HUWE1: variants seen among roughly 807,000 people sequenced by gnomAD.
HUWE1 encodes the protein HECT, UBA and WWE domain containing E3 ubiquitin protein ligase 1.
HUWE1 carries 18 observed loss-of-function variants against 299.4 expected under a neutral mutation model. The ratio of observed to expected loss-of-function variants is 0.06; its 90% CI spans 0.04 to 0.09. The LOEUF (loss-of-function observed/expected upper bound fraction) is 0.09. HUWE1 is among the 10% of genes least tolerant of loss of function. HUWE1 has a pLI of 1.00. For missense variants in HUWE1, 1,832 were observed against 3,462.3 expected (o/e 0.53, Z 11.82); for synonymous variants, 1,317 against 1,286.1 (o/e 1.02, Z -0.51).
intron 27 of HUWE1, among the ~76,000 whole-genome samples, 196 bp from the exon 28 acceptor site, chrX:53,602,854 CTTTTTTTTTTTTT>C (rs1384977840): frequency 1.0e-5 from 1 of 96,813 alleles, no homozygotes; most frequent in Non-Finnish European, 2.1e-5. Context: ...TTTTTTTTTT[CTTTTTTTTTTTTT>C]GGAGACCCAG....
Position 53,551,490 on chromosome X carries a change from G to A in HUWE1, c.8882-10C>T, listed in dbSNP as rs1203707984. On this transcript the variant is annotated splice_polypyrimidine_tract_variant and intron_variant, in intron 63 of 83. Coordinates refer to ENST00000262854, the MANE Select transcript of HUWE1 (RefSeq NM_031407.7). ...TCAGGGAGACTGATACCTGAAGGGA[G>A]ATATAACATGTAAAGGGATTCACGC... 5 of 1,168,650 alleles carry A rather than the reference G, an allele frequency of 4.3e-6. No homozygotes were observed. In the South Asian group the frequency reaches 7.5e-5, roughly 17 times the overall value.
chrX:53,604,486 C>T, intron 26 of HUWE1, 103 bp downstream of exon 26: 2 of 963,759 alleles, frequency 2.1e-6, no homozygotes, highest in South Asian at 4.1e-5. Flanking sequence ...TTAGCTGCTA[C>T]CTCAGGCAGA....
intron 3 of HUWE1, among the ~76,000 whole-genome samples, chrX:53,667,120 G>A (rs782744608): frequency 1.2e-4 from 13 of 111,865 alleles, no homozygotes; most frequent in Non-Finnish European, 2.3e-4. Flanking sequence ...TAAAGGCAAC[G>A]AAGTCAATAC....
At chrX:53,580,033 T>C (rs1350035438) in intron 43 of HUWE1, among the ~76,000 whole-genome samples, 1 of 111,157 alleles carries the variant, frequency 9.0e-6, no homozygotes, top group Non-Finnish European at 1.9e-5. Flanking sequence ...TAAACATCTA[T>C]ATACTTTTCA....
chrX:53,561,227 T>G (rs2062271047), intron 55 of HUWE1, among the ~76,000 whole-genome samples: 1 of 111,982 alleles, frequency 8.9e-6, no homozygotes, highest in Non-Finnish European at 1.9e-5. Flanking sequence ...GACAGCTTGA[T>G]TCTAAGAACT....
At chrX:53,679,210 TAG>T (rs1474760802) in intron 3 of HUWE1, among the ~76,000 whole-genome samples, 3 of 110,834 alleles carry the variant, frequency 2.7e-5, no homozygotes, top group African/African-American at 9.8e-5. Context: ...CAGATTAAAA[TAG>T]ATTTAACAGC....
At chrX:53,603,272 A>G in intron 27 of HUWE1, 96 bp downstream of exon 27, 1 of 896,030 alleles carries the variant, frequency 1.1e-6, no homozygotes, top group Non-Finnish European at 1.6e-6. Context: ...AGGCCTCTGA[A>G]CTCTCTTCCA....
intron 4 of HUWE1, among the ~76,000 whole-genome samples, chrX:53,652,629 C>T (rs982208316): frequency 6.3e-5 from 7 of 111,912 alleles, no homozygotes; most frequent in Admixed American, 2.8e-4. Flanking sequence ...TGCCAAAACA[C>T]ATCAAAAACA....
chrX:53,590,366 T>G (rs1406445960), intron 35 of HUWE1, 38 bp downstream of exon 35: 3 of 873,073 alleles, frequency 3.4e-6, no homozygotes, highest in Non-Finnish European at 5.1e-6. Context: ...CTAAGATTCA[T>G]GTGCCAAGCC....
At chrX:53,639,449 A>G (rs1166992160) in intron 7 of HUWE1, among the ~76,000 whole-genome samples, 1 of 112,118 alleles carries the variant, frequency 8.9e-6, no homozygotes, top group African/African-American at 3.2e-5. Context: ...GTACATCCAA[A>G]GCATGGAATA....
chrX:53,594,076 G>A (rs1390457859), intron 31 of HUWE1, among the ~76,000 whole-genome samples: 1 of 110,378 alleles, frequency 9.1e-6, no homozygotes, highest in East Asian at 2.8e-4. Flanking sequence ...CAGCCTGGGC[G>A]ACAGAGCCAG....
intron 50 of HUWE1, 30 bp downstream of exon 50, chrX:53,565,037 C>T: frequency 8.4e-7 from 1 of 1,194,980 alleles, no homozygotes; most frequent in Admixed American, 2.2e-5. Context: ...CTACTCCCAC[C>T]TCTCCAGTCC....
At chrX:53,562,028 C>A (rs1431425833) in intron 54 of HUWE1, 83 bp downstream of exon 54, 1 of 1,208,928 alleles carries the variant, frequency 8.3e-7, no homozygotes, top group Non-Finnish European at 1.1e-6. Flanking sequence ...CTGAGGCTAG[C>A]AACCCAGACT....
chrX:53,555,654 T>C (rs2061973531), intron 60 of HUWE1, among the ~76,000 whole-genome samples: 1 of 102,167 alleles, frequency 9.8e-6, no homozygotes, highest in Admixed American at 1.1e-4. Context: ...TTTTTTTTTT[T>C]TTCCTGAGAC....
In HUWE1 at chrX:53,546,468, C is replaced by T. The variant is rs374868153; in HGVS notation, c.10883G>A (p.Arg3628His). 24 of 1,208,650 alleles carry T rather than the reference C, an allele frequency of 2.0e-5. No individual in the cohort carries two copies. The highest frequency in any genetic ancestry group is 6.6e-5 in the Admixed American group (3 of 45,709). ...TVLKLLLNGARHLGYTLCKQI... is the reference protein window; with the variant it reads ...TVLKLLLNGAHHLGYTLCKQI... Reference sequence around the variant, plus strand: ...TTTACAAAGGGTATAACCCAGATGGCGGGCTCCATTCAGTAGCAGCTTGAG... The same window carrying T: ...TTTACAAAGGGTATAACCCAGATGGTGGGCTCCATTCAGTAGCAGCTTGAG... The change falls in exon 70 of 84, where the codon CGC becomes CAC. Residue 3628 changes from arginine (R) to histidine (H), a missense_variant. Around this residue, in one of 15 missense-constraint regions of HUWE1, gnomAD observed 48 missense variants for 87.0 expected, o/e 0.55. Transcript: ENST00000262854.
chrX:53,641,315 ATC>A (rs782315450), intron 7 of HUWE1, among the ~76,000 whole-genome samples: 7 of 112,126 alleles, frequency 6.2e-5, no homozygotes, highest in African/African-American at 2.3e-4. Context: ...TTATGATATT[ATC>A]TGATACAGCA....
chrX:53,622,250 C>T (rs2066196514), intron 19 of HUWE1, among the ~76,000 whole-genome samples: 2 of 111,149 alleles, frequency 1.8e-5, no homozygotes, highest in Admixed American at 9.5e-5. Context: ...ATAAGTTTGC[C>T]CCCTAGAAAC....
intron 42 of HUWE1, 28 bp from the exon 43 acceptor site, chrX:53,581,054 G>A (rs371521677): frequency 7.0e-5 from 78 of 1,112,048 alleles, no homozygotes; most frequent in South Asian, 2.7e-4. Context: ...AAACACTGTC[G>A]ATTAAACACT....
Position 53,534,587 on chromosome X carries a change from G to A in HUWE1, c.12760C>T (p.Leu4254=). 24 of 1,210,276 alleles carry A rather than the reference G, an allele frequency of 2.0e-5. No homozygotes were observed. Among genetic ancestry groups the A allele is most frequent in the Non-Finnish European group, 2.7e-5 (24 of 894,224 alleles). The change falls in exon 82 of 84, where the codon CTG becomes TTG. Residue 4254 remains leucine (L), a synonymous_variant. Coordinates refer to ENST00000262854, the MANE Select transcript of HUWE1 (RefSeq NM_031407.7). ...EQELELLISG[L]PTIDIDDLKS... ...AGATCATCGATGTCAATGGTGGGCA[G>A]TCCTGATATAAGCAGCTCTAACTCC... is the stretch of plus-strand genomic sequence containing the variant.
Sources: allele counts gnomAD v4.1 joint callset (sites outside exome capture counted in the v4.1 genomes callset), GRCh38; gene constraint gnomAD v4.1.1; regional missense constraint gnomAD v4.1.1; transcripts MANE v1.5; gene names NCBI Gene and HGNC (gene_info 2026-07-23, HGNC 2026-07-21).